GPM6A: variants seen among roughly 807,000 people sequenced by gnomAD.
GPM6A encodes the protein neuronal membrane glycoprotein M6-a.
GPM6A carries 7 observed loss-of-function variants against 32.1 expected under a neutral mutation model. That is an observed-to-expected ratio of 0.22 (90% confidence interval 0.12 to 0.41). The LOEUF (loss-of-function observed/expected upper bound fraction) is 0.41. Ranked by LOEUF, GPM6A falls within the 10% of genes least tolerant of loss-of-function variation. GPM6A has a pLI of 1.00. For synonymous variants in GPM6A, 130 were observed against 123.4 expected (o/e 1.05, Z -0.35); for missense variants, 235 against 347.2 (o/e 0.68, Z 2.57).
At chr4:175,789,794 T>C (rs569898116) in intron 1 of GPM6A, among the ~76,000 whole-genome samples, 1 of 152,310 alleles carries the variant, frequency 6.6e-6, no homozygotes, top group African/African-American at 2.4e-5. Flanking sequence ...TCCCTAAATT[T>C]GGCTATGGCA....
intron 2 of GPM6A, among the ~76,000 whole-genome samples, chr4:175,679,987 C>T (rs766122708): frequency 3.3e-5 from 5 of 152,116 alleles, no homozygotes; most frequent in East Asian, 1.9e-4. Context: ...CAATGGTATT[C>T]GGGACCAAGA....
At chr4:175,972,613 T>C (rs570497137) in intron 1 of GPM6A, among the ~76,000 whole-genome samples, 1 of 152,326 alleles carries the variant, frequency 6.6e-6, no homozygotes, top group South Asian at 2.1e-4. Context: ...GTATAGCCTA[T>C]TATTTAAAAT....
chr4:175,652,557 T>C (rs1741869713), intron 3 of GPM6A, among the ~76,000 whole-genome samples: 1 of 151,866 alleles, frequency 6.6e-6, no homozygotes, highest in Non-Finnish European at 1.5e-5. Context: ...ATATACATAT[T>C]TTATATATAG....
At chr4:175,773,405 A>T (rs1472001614) in intron 1 of GPM6A, among the ~76,000 whole-genome samples, 1 of 152,186 alleles carries the variant, frequency 6.6e-6, no homozygotes, top group Non-Finnish European at 1.5e-5. Flanking sequence ...AGAAAACCTA[A>T]TTGGCATAGA....
intron 1 of GPM6A, among the ~76,000 whole-genome samples, chr4:175,951,789 A>T (rs1305310269): frequency 2.0e-5 from 3 of 152,208 alleles, no homozygotes; most frequent in Non-Finnish European, 1.5e-5. Flanking sequence ...TGTGAATGAG[A>T]TAAGACTTAA....
At chr4:175,652,892 A>G (rs879365275) in intron 3 of GPM6A, among the ~76,000 whole-genome samples, 3 of 152,162 alleles carry the variant, frequency 2.0e-5, no homozygotes, top group Non-Finnish European at 4.4e-5. Context: ...GAATTTCAGA[A>G]GTACACTTTG....
At chr4:175,706,707 A>G (rs1745211078) in intron 1 of GPM6A, among the ~76,000 whole-genome samples, 1 of 152,146 alleles carries the variant, frequency 6.6e-6, no homozygotes, top group African/African-American at 2.4e-5. Flanking sequence ...TCCATCTTGA[A>G]TAGGGGCTGG....
intron 1 of GPM6A, among the ~76,000 whole-genome samples, chr4:175,954,071 CT>C (rs1739905129): frequency 6.6e-6 from 1 of 152,136 alleles, no homozygotes; most frequent in Non-Finnish European, 1.5e-5. Flanking sequence ...GCTTTTCTTC[CT>C]GGCCCGCTCT....
intron 4 of GPM6A, among the ~76,000 whole-genome samples, chr4:175,642,548 G>A (rs1741208834): frequency 1.3e-5 from 2 of 152,072 alleles, no homozygotes; most frequent in African/African-American, 4.8e-5. Context: ...CTTGCAAGTT[G>A]ACAGTATTAA....
At position 175,923,527 on chromosome 4, in the gene GPM6A, T is replaced by G. The variant is rs190191585; in HGVS notation, c.-23+78782A>C. Among the ~76,000 whole-genome samples the G allele has an allele frequency of 1.5e-3, 230 of 151,152 alleles. 2 individuals carry two copies. The highest frequency in any genetic ancestry group is 5.2e-3 in the African/African-American group (213 of 41,030). On this transcript the variant is annotated intron_variant, in intron 1 of 7. Coordinates refer to the GPM6A transcript ENST00000280187. ...GCTCACCTTCCTGCAGTTTTGGGGT[T>G]TTTTTTGTTGCTTTGTGTTTTTTTG...
intron 3 of GPM6A, among the ~76,000 whole-genome samples, chr4:175,671,206 T>G (rs1351338797): frequency 2.0e-5 from 3 of 151,932 alleles, no homozygotes; most frequent in Admixed American, 6.6e-5. Context: ...ATAATTTCAA[T>G]TAGTAACCAT....
intron 1 of GPM6A, among the ~76,000 whole-genome samples, chr4:175,824,182 C>A (rs1042319811): frequency 6.6e-6 from 1 of 152,112 alleles, no homozygotes; most frequent in Non-Finnish European, 1.5e-5. Context: ...AGATATTTGG[C>A]CAGACCATGG....
At chr4:175,707,268 T>C (rs1479008630) in intron 1 of GPM6A, among the ~76,000 whole-genome samples, 1 of 152,230 alleles carries the variant, frequency 6.6e-6, no homozygotes, top group African/African-American at 2.4e-5. Flanking sequence ...GAACCCTCTC[T>C]TGGGGTCTGG....
At chr4:175,970,051 C>T (rs1438592838) in intron 1 of GPM6A, among the ~76,000 whole-genome samples, 2 of 152,262 alleles carry the variant, frequency 1.3e-5, no homozygotes, top group Middle Eastern at 3.4e-3. Flanking sequence ...ACAATGACGC[C>T]GAAATATTCC....
chr4:175,864,481 A>G (rs1441163705), intron 1 of GPM6A, among the ~76,000 whole-genome samples: 3 of 151,892 alleles, frequency 2.0e-5, no homozygotes, highest in Non-Finnish European at 2.9e-5. Context: ...GCTTTTTGCT[A>G]ATTTTTGAGT....
intron 1 of GPM6A, among the ~76,000 whole-genome samples, chr4:175,903,620 G>A (rs1277791669): frequency 6.6e-6 from 1 of 152,150 alleles, no homozygotes; most frequent in Non-Finnish European, 1.5e-5. Context: ...ATAGCACCAT[G>A]TGTTCCTGTG....
intron 1 of GPM6A, among the ~76,000 whole-genome samples, chr4:175,955,946 G>A (rs1393069456): frequency 6.6e-6 from 1 of 152,080 alleles, no homozygotes; most frequent in African/African-American, 2.4e-5. Context: ...ATTAGCTTTT[G>A]TGGAAATAGT....
intron 1 of GPM6A, among the ~76,000 whole-genome samples, chr4:175,770,714 C>T (rs776951101): frequency 2.0e-5 from 3 of 152,176 alleles, no homozygotes; most frequent in Admixed American, 6.5e-5. Flanking sequence ...CTTGCTGCCT[C>T]ATGGATGACC....
At chr4:175,814,984 T>G (rs1329754960), upstream of GPM6A, among the ~76,000 whole-genome samples, 1 of 152,124 alleles carries the variant, frequency 6.6e-6, no homozygotes, top group Non-Finnish European at 1.5e-5. Context: ...CCCTTCCTCC[T>G]GTTTGATGGC....
Sources: gnomAD v4.1 joint callset for allele counts (sites outside exome capture counted in the v4.1 genomes callset) on GRCh38, gnomAD v4.1.1 for gene constraint, MANE v1.5 for transcripts, NCBI Gene and HGNC (gene_info 2026-07-23, HGNC 2026-07-21) for gene names.